Variants in POLGARF observed in about 807,000 individuals in gnomAD.
The protein encoded by POLGARF is POLG alternative reading frame.
chr15:89,332,942 C>G, the POLGARF span, among the ~76,000 whole-genome samples: 1 of 152,180 alleles, frequency 6.6e-6, no homozygotes, highest in African/African-American at 2.4e-5. Flanking sequence ...GAAAGTGAGT[C>G]CCACATAAAC....
At chr15:89,331,577 G>A in the POLGARF span, among the ~76,000 whole-genome samples, 17 of 152,326 alleles carry the variant, frequency 1.1e-4, no homozygotes, top group African/African-American at 3.6e-4. Context: ...CCAGAGAGAC[G>A]TCCCTCTAGC....
chr15:89,333,500 C>T, the POLGARF span: 1 of 1,612,638 alleles, frequency 6.2e-7, no homozygotes, highest in Non-Finnish European at 8.5e-7. Context: ...CGAAGATTTG[C>T]TCGTGCAGCC....
chr15:89,332,693 G>A, the POLGARF span, among the ~76,000 whole-genome samples: 3 of 152,032 alleles, frequency 2.0e-5, no homozygotes, highest in Non-Finnish European at 4.4e-5. Flanking sequence ...TCCCACAAAA[G>A]GGAGCTTTCT....
the POLGARF span, chr15:89,332,488 T>A: frequency 6.6e-6 from 1 of 152,048 alleles, no homozygotes; most frequent in African/African-American, 2.4e-5. Flanking sequence ...TGGATATACT[T>A]GTTTGGGACC....
chr15:89,330,535 G>A, the POLGARF span, among the ~76,000 whole-genome samples: 2 of 152,144 alleles, frequency 1.3e-5, no homozygotes, highest in African/African-American at 2.4e-5. Context: ...TTAGACCTAC[G>A]TGCAGGTATT....
At chr15:89,330,536 T>G in the POLGARF span, among the ~76,000 whole-genome samples, 1 of 152,218 alleles carries the variant, frequency 6.6e-6, no homozygotes, top group Non-Finnish European at 1.5e-5. Context: ...TAGACCTACG[T>G]GCAGGTATTC....
At chr15:89,331,628 C>T in the POLGARF span, among the ~76,000 whole-genome samples, 1 of 152,232 alleles carries the variant, frequency 6.6e-6, no homozygotes, top group Non-Finnish European at 1.5e-5. Flanking sequence ...TGGGAAGAAG[C>T]TGCCCTGTGG....
At chr15:89,331,627 G>C in the POLGARF span, among the ~76,000 whole-genome samples, 3 of 152,234 alleles carry the variant, frequency 2.0e-5, no homozygotes, top group African/African-American at 7.2e-5. Context: ...TTGGGAAGAA[G>C]CTGCCCTGTG....
chr15:89,333,225 C>T, the POLGARF span: 1 of 1,579,002 alleles, frequency 6.3e-7, no homozygotes, highest in Non-Finnish European at 8.6e-7. Context: ...GGGGCCGTAC[C>T]GGGTCCAGCC....
chr15:89,332,591 G>A, the POLGARF span, among the ~76,000 whole-genome samples: 2 of 138,556 alleles, frequency 1.4e-5, no homozygotes, highest in Non-Finnish European at 3.1e-5. Flanking sequence ...GTCTGGAAAC[G>A]TTGCCGGCGG....
chr15:89,333,674 G>A, the POLGARF span: 1 of 1,555,010 alleles, frequency 6.4e-7, no homozygotes. Flanking sequence ...GGACGGAGCT[G>A]GAGACCCAGC....
the POLGARF span, chr15:89,333,131 G>A: frequency 1.3e-6 from 2 of 1,527,474 alleles, no homozygotes; most frequent in South Asian, 1.3e-5. Flanking sequence ...CCAATGTGGG[G>A]CAAGTTCCCT....
At chr15:89,333,611 CTGCTGCTGCTGCTGCT>C in the POLGARF span, 1 of 1,598,994 alleles carries the variant, frequency 6.3e-7, no homozygotes, top group South Asian at 1.1e-5. Context: ...GCTGCTGCTG[CTGCTGCTGCTGCTGCT>C]GCCGCCGCCG....
At chr15:89,333,475 T>A in the POLGARF span, 1 of 1,612,262 alleles carries the variant, frequency 6.2e-7, no homozygotes, top group Non-Finnish European at 8.5e-7. Context: ...TCGCCAGGCA[T>A]CTCCCCTCCT....
chr15:89,332,794 G>A, the POLGARF span, among the ~76,000 whole-genome samples: 6 of 152,098 alleles, frequency 3.9e-5, no homozygotes, highest in East Asian at 1.9e-4. Flanking sequence ...AGGAGAGGGG[G>A]TAAAGGCACC....
At chr15:89,331,568 CAG>C in the POLGARF span, among the ~76,000 whole-genome samples, 2 of 152,212 alleles carry the variant, frequency 1.3e-5, no homozygotes, top group Admixed American at 6.5e-5. Flanking sequence ...TGCTGATGGC[CAG>C]AGAGACGTCC....
the POLGARF span, chr15:89,333,427 G>A: frequency 8.5e-5 from 136 of 1,608,446 alleles, 1 homozygote; most frequent in African/African-American, 7.5e-4. Flanking sequence ...CAGAGCCCGT[G>A]CTTCTGCAGG....
At chr15:89,330,863 G>A in the POLGARF span, among the ~76,000 whole-genome samples, 1 of 145,412 alleles carries the variant, frequency 6.9e-6, no homozygotes, top group Non-Finnish European at 1.5e-5. Context: ...GAGAACCAGG[G>A]AAAGTGCCAG....
chr15:89,333,780 G>A, the POLGARF span: 2 of 1,534,740 alleles, frequency 1.3e-6, no homozygotes, highest in Non-Finnish European at 1.7e-6. Context: ...CCCCACGCTG[G>A]GAGTCAGAAC....
Sources: allele counts gnomAD v4.1 joint callset (sites outside exome capture counted in the v4.1 genomes callset), GRCh38; gene constraint gnomAD v4.1.1; transcripts MANE v1.5; gene names NCBI Gene and HGNC (gene_info 2026-07-23, HGNC 2026-07-21).